The following COBL variants were observed in gnomAD, a reference collection of about 807,000 sequenced individuals.
The protein encoded by COBL is protein cordon-bleu.
In COBL, 51 loss-of-function variants were observed where a neutral mutation model predicts 98.8. The observed-to-expected ratio is 0.52, with a 90% confidence interval of 0.41 to 0.65. The LOEUF (loss-of-function observed/expected upper bound fraction) is 0.65. Among genes scored for constraint, COBL ranks in the 30% least tolerant of loss-of-function variants. The probability of loss-of-function intolerance (pLI) is 0.00; values close to 1 mark genes in which losing one functional copy is unlikely to be tolerated. For synonymous variants in COBL, 634 were observed against 651.7 expected (o/e 0.97, Z 0.41); for missense variants, 1,617 against 1,617.5 (o/e 1.00, Z 0.01).
intron 2 of COBL, among the ~76,000 whole-genome samples, chr7:51,210,048 T>C (rs1412644392): frequency 2.0e-5 from 3 of 152,128 alleles, no homozygotes; most frequent in Admixed American, 6.5e-5. Context: ...CAGAGGAGTA[T>C]ATTAATTGCA....
intron 7 of COBL, chr7:51,083,143 G>GT: frequency 4.0e-6 from 6 of 1,508,316 alleles, no homozygotes; most frequent in East Asian, 2.5e-5. Context: ...CGGGAGGAGG[G>GT]TAGGGCGGGG....
chr7:51,278,436 A>G (rs1057087135), intron 1 of COBL, among the ~76,000 whole-genome samples: 1 of 145,982 alleles, frequency 6.9e-6, no homozygotes, highest in African/African-American at 2.6e-5. Context: ...CTGGAGTGCA[A>G]TGGCGCGATC....
intron 6 of COBL, among the ~76,000 whole-genome samples, chr7:51,091,592 G>A (rs974776437): frequency 1.3e-5 from 2 of 151,826 alleles, no homozygotes; most frequent in African/African-American, 4.8e-5. Flanking sequence ...GAGAGAAAGG[G>A]GCAGAGAGTT....
chr7:51,177,817 A>AATAAATAT (rs909708427), intron 5 of COBL, among the ~76,000 whole-genome samples: 15 of 149,966 alleles, frequency 1.0e-4, no homozygotes, highest in African/African-American at 3.7e-4. Flanking sequence ...TAAATAAATA[A>AATAAATAT]AAATTTAAAA....
At chr7:51,249,160 T>C (rs530161730) in intron 1 of COBL, among the ~76,000 whole-genome samples, 2 of 152,270 alleles carry the variant, frequency 1.3e-5, no homozygotes, top group South Asian at 2.1e-4. Flanking sequence ...TCCAGATGAA[T>C]GGTGTTCAAG....
intron 1 of COBL, among the ~76,000 whole-genome samples, chr7:51,228,002 G>A (rs1399930812): frequency 6.6e-6 from 1 of 152,140 alleles, no homozygotes; most frequent in African/African-American, 2.4e-5. Context: ...GGAGCAATAA[G>A]CCAGGGAGAA....
intron 12 of COBL, chr7:51,021,213 A>G (rs148752324): frequency 1.3e-5 from 2 of 152,368 alleles, no homozygotes; most frequent in East Asian, 3.9e-4. Context: ...CTCTACATCT[A>G]CTGAGAACCT....
intron 1 of COBL, among the ~76,000 whole-genome samples, chr7:51,241,126 A>T (rs1173192525): frequency 1.3e-5 from 2 of 152,234 alleles, no homozygotes; most frequent in East Asian, 3.8e-4. Flanking sequence ...GAGTGGGCAC[A>T]GCACCTTGGT....
In COBL at chr7:51,192,308, T is replaced by C. The variant is rs563374015; in HGVS notation, c.456+1071A>G. Among the ~76,000 whole-genome samples, 3 of 152,320 alleles carry C rather than the reference T, an allele frequency of 2.0e-5. No homozygotes were observed. In the South Asian group the frequency reaches 6.2e-4, roughly 32 times the overall value. ...AGCTAAAAGATTAATATCAAAGCCTTATTTAAAAGTACAATAAAGCTGGGT... is the reference window on the plus strand; with the variant it reads ...AGCTAAAAGATTAATATCAAAGCCTCATTTAAAAGTACAATAAAGCTGGGT... On this transcript the variant is annotated intron_variant, in intron 3 of 12. Transcript: ENST00000265136.
chr7:51,044,259 G>A (rs1246348519), intron 7 of COBL, among the ~76,000 whole-genome samples: 1 of 152,150 alleles, frequency 6.6e-6, no homozygotes, highest in Non-Finnish European at 1.5e-5. Context: ...TGGCTCCTAT[G>A]CACTAAATGT....
intron 6 of COBL, among the ~76,000 whole-genome samples, chr7:51,130,456 G>A (rs1165934377): frequency 6.6e-6 from 1 of 152,234 alleles, no homozygotes; most frequent in East Asian, 1.9e-4. Flanking sequence ...GAGAAGGACA[G>A]CAGGAAGAAG....
At chr7:51,136,093 C>G in intron 6 of COBL, 65 bp downstream of exon 6, 1 of 1,554,250 alleles carries the variant, frequency 6.4e-7, no homozygotes. Context: ...TCCCAGGGAG[C>G]TTTGGAACAA....
chr7:51,293,440 C>A (rs1387562053), intron 1 of COBL, among the ~76,000 whole-genome samples: 1 of 152,136 alleles, frequency 6.6e-6, no homozygotes, highest in Non-Finnish European at 1.5e-5. Context: ...AATAGAGACA[C>A]CATGAAATCA....
At chr7:51,307,902 A>G (rs1802639457) in intron 1 of COBL, among the ~76,000 whole-genome samples, 1 of 152,234 alleles carries the variant, frequency 6.6e-6, no homozygotes, top group African/African-American at 2.4e-5. Context: ...CTCTTGTGAG[A>G]GATCTGCAAT....
chr7:51,185,479 C>T (rs1218973209), intron 4 of COBL, among the ~76,000 whole-genome samples: 1 of 152,180 alleles, frequency 6.6e-6, no homozygotes, highest in Non-Finnish European at 1.5e-5. Flanking sequence ...GTGCATCAAG[C>T]ACGCAGACGG....
chr7:51,056,678 C>T (rs553907174), intron 7 of COBL, among the ~76,000 whole-genome samples: 127 of 152,248 alleles, frequency 8.3e-4, no homozygotes, highest in Non-Finnish European at 1.2e-3. Flanking sequence ...TGAAAAGATA[C>T]TCTAATCGGG....
intron 6 of COBL, among the ~76,000 whole-genome samples, chr7:51,118,354 G>C (rs950513130): frequency 6.6e-6 from 1 of 152,080 alleles, no homozygotes; most frequent in Non-Finnish European, 1.5e-5. Flanking sequence ...TCAGCAGGCT[G>C]TGTTTCTATC....
chr7:51,109,525 C>T (rs1287126602), intron 6 of COBL, among the ~76,000 whole-genome samples: 2 of 152,120 alleles, frequency 1.3e-5, no homozygotes, highest in Non-Finnish European at 1.5e-5. Flanking sequence ...TTGCCCCCCA[C>T]CCCTGGCTAC....
Position 51,017,464 on chromosome 7 carries a change from T to A in COBL, c.*87A>T. 1 of 1,400,670 alleles carries A rather than the reference T, an allele frequency of 7.1e-7. No individual in the cohort carries two copies. The highest frequency in any genetic ancestry group is 1.2e-5 in the South Asian group (1 of 86,592). The allele number at this position is 1,400,670 out of a possible 1,614,324, so 86.8% of individuals were successfully genotyped here. ...GTAGACAAGAAAGTAACACCAAAAC[T>A]TGATGTTCCTGGCTATGCAGACTCC... On this transcript the variant is annotated 3_prime_UTR_variant, in exon 13 of 13. Transcript: ENST00000265136.
Sources: gnomAD v4.1 joint callset for allele counts (sites outside exome capture counted in the v4.1 genomes callset) on GRCh38, gnomAD v4.1.1 for gene constraint, MANE v1.5 for transcripts, NCBI Gene and HGNC (gene_info 2026-07-23, HGNC 2026-07-21) for gene names.